The following FMNL3 variants were observed in gnomAD, a reference collection of about 807,000 sequenced individuals.
FMNL3 encodes formin-like protein 3.
A neutral mutation model predicts 119.6 loss-of-function variants in FMNL3; 57 were observed. That is an observed-to-expected ratio of 0.48 (90% CI 0.39 to 0.59). The LOEUF is 0.59. FMNL3 is among the 20% of genes least tolerant of loss of function. The pLI, the probability that FMNL3 is intolerant of heterozygous loss-of-function variation, is 0.00. For missense variants in FMNL3, 1,053 were observed against 1,323.5 expected (o/e 0.80, Z 3.17); for synonymous variants, 491 against 507.3 (o/e 0.97, Z 0.43).
chr12:49,666,748 G>A (rs1002732703), intron 2 of FMNL3, among the ~76,000 whole-genome samples: 6 of 151,982 alleles, frequency 3.9e-5, no homozygotes, highest in Non-Finnish European at 8.8e-5. Context: ...AGTAAGATAT[G>A]ATCATGCCAT....
chr12:49,656,877 G>C lies in FMNL3; in HGVS notation c.737C>G (p.Ser246Cys). Residue 246 changes from serine to cysteine, a missense_variant, in exon 8 of 26, where the codon TCC becomes TGC. By Grantham distance (112) the Ser-to-Cys change is moderately radical (BLOSUM62 -1). Around this residue, in one of 4 missense-constraint regions of FMNL3, gnomAD observed 445 missense variants for 628.4 expected, o/e 0.71. Transcript: ENST00000335154. ...NYQYGFNLVM[S>C]HPHAVNEIAL... is the part of the protein sequence containing the mutation. ...AATCTCATTGACAGCATGGGGGTGG[G>C]ACATGACCAGGTTGAATCCGTACTG... 6.2e-7 allele frequency: 1 copy of C among 1,614,114 alleles called. No individual in the cohort carries two copies. The highest frequency in any genetic ancestry group is 1.1e-5 in the South Asian group (1 of 91,068).
chr12:49,643,503 C>T lies in FMNL3; in HGVS notation c.*2312G>A, dbSNP rs1942943460. On this transcript the variant is annotated 3_prime_UTR_variant, in exon 26 of 26. Transcript: ENST00000335154. ...TTGAGGGTAGACTGGATTGGGAGGG[C>T]TGCACCTGTGGAAGTAGAAAGAACT... The T allele has an allele frequency of 6.9e-7, 1 of 1,447,030 alleles. No individual in the cohort carries two copies. The highest frequency in any genetic ancestry group is 2.4e-5 in the Admixed American group (1 of 42,504). The allele number at this position is 1,447,030 out of a possible 1,614,324, so 89.6% of individuals were successfully genotyped here. A position where few individuals can be genotyped will look rare whatever the true frequency, so the allele number is the denominator to read the frequency against.
chr12:49,683,664 A>C (rs563209422), intron 1 of FMNL3, among the ~76,000 whole-genome samples: 1 of 152,068 alleles, frequency 6.6e-6, no homozygotes, highest in South Asian at 2.1e-4. Flanking sequence ...GCCTACCTCC[A>C]ATTCTGGTTC....
intron 1 of FMNL3, among the ~76,000 whole-genome samples, chr12:49,676,809 A>G (rs906087710): frequency 6.6e-6 from 1 of 152,134 alleles, no homozygotes; most frequent in East Asian, 1.9e-4. Flanking sequence ...ATCACTTTAT[A>G]TATTGCTTTC....
At position 49,637,709 on chromosome 12, in the gene FMNL3, GC is replaced by G; in HGVS notation, c.*8105del. 6.6e-7 allele frequency: 1 copy of G among 1,524,184 alleles called. No homozygotes were observed. Among genetic ancestry groups the G allele is most frequent in the Non-Finnish European group, 9.0e-7 (1 of 1,106,046 alleles). 94.4% of individuals were successfully genotyped at this position (1,524,184 alleles called of 1,614,324 possible). A position where few individuals can be genotyped will look rare whatever the true frequency, so the allele number is the denominator to read the frequency against. ...GCCTTGGGAAGCTGCCGCCCGCCAG[GC>G]CCCCCTCCCTCCCTCCTTACAGGCT... On this transcript the variant is annotated 3_prime_UTR_variant, in exon 26 of 26. Transcript: ENST00000335154.
In FMNL3 at chr12:49,645,881, A is replaced by C; in HGVS notation, c.3018T>G (p.Val1006=). The stretch of plus-strand genomic sequence containing the variant: ...CAGCACTCCTGGCTTGGTGGCGAAC[A>C]ACCATAGGCTGGCAGTGGAGGCCTG... ...IITGLHCQPM[V]VRHQARSAAP... Residue 1006 remains valine (V), a synonymous_variant, in exon 26 of 26, where the codon GTT becomes GTG. Coordinates refer to ENST00000335154, the MANE Select transcript of FMNL3 (RefSeq NM_175736.5). 1 of 1,612,202 alleles carries C rather than the reference A, an allele frequency of 6.2e-7. No homozygotes were observed. Among genetic ancestry groups the C allele is most frequent in the Non-Finnish European group, 8.5e-7 (1 of 1,179,220 alleles).
chr12:49,700,012 C>T (rs1478828894), intron 1 of FMNL3, among the ~76,000 whole-genome samples: 1 of 152,216 alleles, frequency 6.6e-6, no homozygotes, highest in Non-Finnish European at 1.5e-5. Flanking sequence ...AATTCCACTT[C>T]TAGCAATTTA....
intron 21 of FMNL3, among the ~76,000 whole-genome samples, 187 bp downstream of exon 21, chr12:49,648,842 C>T (rs559044387): frequency 3.3e-5 from 5 of 152,228 alleles, no homozygotes; most frequent in Non-Finnish European, 7.3e-5. Flanking sequence ...CCAGGCCTGG[C>T]GCCTGGAGGA....
rs1945080333 is a variant in FMNL3, at chr12:49,707,388, A to G, written c.-208T>C. 1.5e-5 allele frequency: 6 copies of G among 388,394 alleles called. No individual in the cohort carries two copies. The South Asian group carries it at 4.9e-4, about 32-fold the overall frequency. The allele number at this position is 388,394 out of a possible 1,614,324, so 24.1% of individuals were successfully genotyped here. ...GCAGCGTAGCGGACAGCCGCACCGA[A>G]GCAAGGCGGACGGAGGCGGCCGGCT... On this transcript the variant is annotated 5_prime_UTR_variant, in exon 1 of 26. Transcript: ENST00000335154.
intron 1 of FMNL3, among the ~76,000 whole-genome samples, chr12:49,683,787 G>C (rs769627468): frequency 2.6e-5 from 4 of 152,070 alleles, no homozygotes; most frequent in Non-Finnish European, 5.9e-5. Flanking sequence ...CTTGAGCCCT[G>C]CCTCCCACGA....
In FMNL3 at chr12:49,645,857, A is replaced by G; in HGVS notation, c.3042T>C (p.Ala1014=). The change falls in exon 26 of 26, where the codon GCT becomes GCC. Residue 1014 remains alanine, a synonymous_variant. Coordinates refer to ENST00000335154, the MANE Select transcript of FMNL3 (RefSeq NM_175736.5). ...PMVVRHQARS[A]APPSGPPRAP... Reference sequence around the variant, plus strand: ...CCCGAGGGGGACCACTGGGCGGTGCAGCACTCCTGGCTTGGTGGCGAACAA... The same window carrying G: ...CCCGAGGGGGACCACTGGGCGGTGCGGCACTCCTGGCTTGGTGGCGAACAA... 2 of 1,610,758 alleles carry G rather than the reference A, an allele frequency of 1.2e-6. No individual in the cohort carries two copies. Among genetic ancestry groups the G allele is most frequent in the Non-Finnish European group, 1.7e-6 (2 of 1,178,776 alleles).
intron 1 of FMNL3, among the ~76,000 whole-genome samples, chr12:49,679,611 C>T (rs991292438): frequency 1.3e-5 from 2 of 148,946 alleles, no homozygotes; most frequent in Non-Finnish European, 3.0e-5. Flanking sequence ...ACTGCAGCCT[C>T]GACCTCTTGG....
chr12:49,663,014 T>C (rs528901920), intron 4 of FMNL3, among the ~76,000 whole-genome samples: 1 of 152,274 alleles, frequency 6.6e-6, no homozygotes, highest in East Asian at 1.9e-4. Context: ...GGAAAACCAG[T>C]GCCATGTTGG....
intron 4 of FMNL3, among the ~76,000 whole-genome samples, chr12:49,662,899 G>C (rs1943776316): frequency 6.6e-6 from 1 of 152,206 alleles, no homozygotes; most frequent in Non-Finnish European, 1.5e-5. Flanking sequence ...AAAACGCTCA[G>C]GATGAAACCC....
In FMNL3 at chr12:49,651,438, G is replaced by A; in HGVS notation, c.1616C>T (p.Pro539Leu). 6.8e-7 allele frequency: 1 copy of A among 1,481,380 alleles called. No homozygotes were observed. The highest frequency in any genetic ancestry group is 9.0e-7 in the Non-Finnish European group (1 of 1,112,046). 91.8% of individuals were successfully genotyped at this position (1,481,380 alleles called of 1,614,324 possible). Residue 539 changes from proline to leucine, a missense_variant, in exon 15 of 26, where the codon CCA becomes CTA. This residue lies in a region of FMNL3 where 445 missense variants were observed against 628.4 expected (regional missense o/e 0.71). Coordinates refer to ENST00000335154, the MANE Select transcript of FMNL3 (RefSeq NM_175736.5). ...PPPPLPDKCP[P>L]APPLPGAAPS... ...TGCAGCACCAGGGAGAGGTGGGGCT[G>A]GGGGACACTTGTCTGGGGGAAGAAG...
At chr12:49,681,478 T>TTGTA (rs1944333498) in intron 1 of FMNL3, among the ~76,000 whole-genome samples, 1 of 151,138 alleles carries the variant, frequency 6.6e-6, no homozygotes, top group Non-Finnish European at 1.5e-5. Context: ...CGTGAGCCAC[T>TTGTA]GCGCCCTGCC....
At chr12:49,669,874 C>T (rs539855492) in intron 1 of FMNL3, among the ~76,000 whole-genome samples, 274 of 151,614 alleles carry the variant, frequency 1.8e-3, no homozygotes, top group Middle Eastern at 6.8e-3. Context: ...CAAAACAAAA[C>T]ACACAAACAA....
At chr12:49,659,963 A>T in intron 5 of FMNL3, 1 of 985,416 alleles carries the variant, frequency 1.0e-6, no homozygotes, top group Non-Finnish European at 1.2e-6. Flanking sequence ...GGCTTTCTGG[A>T]ATAGGAAGGG....
At chr12:49,663,365 C>A (rs142461743) in intron 4 of FMNL3, among the ~76,000 whole-genome samples, 2,339 of 152,334 alleles carry the variant, frequency 0.015, 21 homozygotes, top group Middle Eastern at 0.041. Flanking sequence ...TCTCCAGAAC[C>A]TGAGTTCCCA....
Sources: gnomAD v4.1 joint callset for allele counts (sites outside exome capture counted in the v4.1 genomes callset) on GRCh38, gnomAD v4.1.1 for gene constraint, gnomAD v4.1.1 regional missense constraint, MANE v1.5 for transcripts, NCBI Gene and HGNC (gene_info 2026-07-23, HGNC 2026-07-21) for gene names.